The following ARHGAP15 variants were observed in gnomAD, a reference collection of about 807,000 sequenced individuals.
The protein encoded by ARHGAP15 is rho GTPase-activating protein 15.
Under a neutral mutation model 63.7 loss-of-function variants are expected in ARHGAP15, and 51 were observed. That is an observed-to-expected ratio of 0.80 (90% CI 0.64 to 1.01). The LOEUF is 1.01. Ranked by LOEUF, ARHGAP15 falls within the 50% of genes least tolerant of loss-of-function variation. The probability of loss-of-function intolerance (pLI) is 0.00; values close to 1 mark genes in which losing one functional copy is unlikely to be tolerated. For synonymous variants in ARHGAP15, 191 were observed against 193.8 expected, an observed-to-expected ratio of 0.99 and a Z score of 0.12; for missense variants, 560 against 564.6, an observed-to-expected ratio of 0.99 and a Z score of 0.08.
intron 8 of ARHGAP15, among the ~76,000 whole-genome samples, chr2:143,476,676 T>G (rs1691831960): frequency 6.6e-6 from 1 of 152,200 alleles, no homozygotes. Context: ...CAAAGCTCTG[T>G]TAGTCCATGA....
chr2:143,247,810 G>A (rs34613239), intron 5 of ARHGAP15, among the ~76,000 whole-genome samples: 19,000 of 152,086 alleles, frequency 0.12, 1,317 homozygotes, highest in Middle Eastern at 0.24. Context: ...CCTTTGAACT[G>A]TTTCTCACTT....
chr2:143,768,036 G>T lies in ARHGAP15; in HGVS notation c.1292G>T (p.Gly431Val). 6.2e-7 allele frequency: 1 copy of T among 1,613,624 alleles called. No homozygotes were observed. The highest frequency in any genetic ancestry group is 1.1e-5 in the South Asian group (1 of 91,060). ...SKNLMSTQSL[G>V]IVFGPTLLRA... is the part of the protein sequence containing the mutation. ...AACCTCATGTCCACGCAAAGCTTGG[G>T]GATTGTATTTGGACCTACCCTTCTG... is the stretch of plus-strand genomic sequence containing the variant. Residue 431 changes from glycine to valine, a missense_variant, in exon 14 of 14, where the codon GGG (glycine) becomes GTG (valine). Coordinates refer to ENST00000295095, the MANE Select transcript of ARHGAP15 (RefSeq NM_018460.4).
intron 12 of ARHGAP15, among the ~76,000 whole-genome samples, chr2:143,633,563 G>T (rs2048955): frequency 0.82 from 123,934 of 152,056 alleles, 52,603 homozygotes; most frequent in South Asian, 0.96. Context: ...TTCCATCTAC[G>T]TAAGGTCACT....
chr2:143,240,408 A>C (rs1417527214), intron 5 of ARHGAP15, among the ~76,000 whole-genome samples: 1 of 152,184 alleles, frequency 6.6e-6, no homozygotes, highest in Non-Finnish European at 1.5e-5. Context: ...GCTATTCATG[A>C]ATTATTGAGT....
At chr2:143,604,579 G>C (rs1353876725) in intron 11 of ARHGAP15, among the ~76,000 whole-genome samples, 2 of 152,114 alleles carry the variant, frequency 1.3e-5, no homozygotes, top group African/African-American at 4.8e-5. Flanking sequence ...ATTATATCTA[G>C]GTAGTGACTG....
At chr2:143,161,788 G>A (rs1001255982) in intron 2 of ARHGAP15, among the ~76,000 whole-genome samples, 1 of 151,972 alleles carries the variant, frequency 6.6e-6, no homozygotes, top group Non-Finnish European at 1.5e-5. Flanking sequence ...GATTGATTAA[G>A]TGTTCTGTTA....
At chr2:143,281,628 G>T (rs1274489818) in intron 6 of ARHGAP15, among the ~76,000 whole-genome samples, 2 of 152,088 alleles carry the variant, frequency 1.3e-5, no homozygotes, top group Non-Finnish European at 2.9e-5. Context: ...TAATGAAGCT[G>T]CAGGTCCTCT....
At chr2:143,404,742 G>C (rs1424826306) in intron 6 of ARHGAP15, among the ~76,000 whole-genome samples, 1 of 151,946 alleles carries the variant, frequency 6.6e-6, no homozygotes, top group Non-Finnish European at 1.5e-5. Context: ...CTGGCATAGA[G>C]CAACCAAAGG....
intron 10 of ARHGAP15, among the ~76,000 whole-genome samples, chr2:143,527,272 T>G (rs1316142208): frequency 6.6e-6 from 1 of 152,098 alleles, no homozygotes; most frequent in Non-Finnish European, 1.5e-5. Context: ...TATTTTTTTG[T>G]ACAGGATATT....
At chr2:143,320,649 G>C (rs1236683872) in intron 6 of ARHGAP15, among the ~76,000 whole-genome samples, 1 of 152,046 alleles carries the variant, frequency 6.6e-6, no homozygotes, top group Non-Finnish European at 1.5e-5. Flanking sequence ...AAAGATCATA[G>C]CAAAGAGTTA....
chr2:143,518,439 A>T (rs1693917245), intron 9 of ARHGAP15, among the ~76,000 whole-genome samples: 2 of 152,262 alleles, frequency 1.3e-5, no homozygotes, highest in Admixed American at 1.3e-4. Flanking sequence ...CTGAAATCAA[A>T]GGATGTTGCT....
chr2:143,479,563 A>G (rs1012365997), intron 8 of ARHGAP15, among the ~76,000 whole-genome samples: 1 of 152,134 alleles, frequency 6.6e-6, no homozygotes, highest in Non-Finnish European at 1.5e-5. Flanking sequence ...AGCTTTCAAT[A>G]TCAGCTACTG....
chr2:143,308,173 A>C (rs1431698875), intron 6 of ARHGAP15, among the ~76,000 whole-genome samples: 1 of 152,168 alleles, frequency 6.6e-6, no homozygotes, highest in African/African-American at 2.4e-5. Context: ...GAATGAAATT[A>C]ATCATTACTT....
chr2:143,472,210 A>G (rs1298137404), intron 8 of ARHGAP15, among the ~76,000 whole-genome samples: 3 of 152,124 alleles, frequency 2.0e-5, no homozygotes, highest in South Asian at 2.1e-4. Flanking sequence ...ACCTCCTGCC[A>G]TTTCTGTTTG....
rs562189005 is a variant in ARHGAP15, at chr2:143,602,474, G to T, written c.1004-21659G>T. Among the ~76,000 whole-genome samples, 23 of 152,204 alleles carry T rather than the reference G, an allele frequency of 1.5e-4. No individual in the cohort carries two copies. The South Asian group carries it at 4.8e-3, about 32-fold the overall frequency. On this transcript the variant is annotated intron_variant, in intron 11 of 13. Coordinates refer to ENST00000295095, the MANE Select transcript of ARHGAP15 (RefSeq NM_018460.4). ...GGAGGACAGGAGGGAACAGATTTTT[G>T]TTGTTGTTGTTTTTGTTTGTTTGCT...
chr2:143,395,593 A>T (rs1460692408), intron 6 of ARHGAP15, among the ~76,000 whole-genome samples: 2 of 152,120 alleles, frequency 1.3e-5, no homozygotes, highest in East Asian at 3.9e-4. Context: ...AGCAGTATCT[A>T]GTCTAGAGGG....
intron 5 of ARHGAP15, among the ~76,000 whole-genome samples, chr2:143,244,591 AG>A: frequency 6.6e-6 from 1 of 152,206 alleles, no homozygotes; most frequent in Admixed American, 6.5e-5. Context: ...GATGTAGCGT[AG>A]CTGGTGTGAA....
chr2:143,483,017 T>G (rs1335522886), intron 8 of ARHGAP15, among the ~76,000 whole-genome samples: 2 of 152,214 alleles, frequency 1.3e-5, no homozygotes, highest in East Asian at 3.9e-4. Flanking sequence ...TAGAGCCAAC[T>G]TTGGAGAGTT....
At chr2:143,279,786 G>T (rs1681751026) in intron 6 of ARHGAP15, among the ~76,000 whole-genome samples, 1 of 152,130 alleles carries the variant, frequency 6.6e-6, no homozygotes, top group Non-Finnish European at 1.5e-5. Context: ...ATGGTTTCCT[G>T]TTTAGAAATT....
Sources: gnomAD v4.1 joint callset for allele counts (sites outside exome capture counted in the v4.1 genomes callset) on GRCh38, gnomAD v4.1.1 for gene constraint, MANE v1.5 for transcripts, NCBI Gene and HGNC (gene_info 2026-07-23, HGNC 2026-07-21) for gene names.